Variants in ANKS1A observed in about 807,000 individuals in gnomAD.
ANKS1A encodes ankyrin repeat and sterile alpha motif domain containing 1A.
Under a neutral mutation model 120.3 loss-of-function variants are expected in ANKS1A, and 55 were observed. The ratio of observed to expected loss-of-function variants is 0.46; its 90% CI spans 0.37 to 0.57. The LOEUF is 0.57. ANKS1A is among the 20% of genes least tolerant of loss of function. The probability of loss-of-function intolerance (pLI) is 0.00; values close to 1 mark genes in which losing one functional copy is unlikely to be tolerated. For missense variants in ANKS1A, 1,123 were observed against 1,480.3 expected, an observed-to-expected ratio of 0.76 and a Z score of 3.96; for synonymous variants, 590 against 604.7, an observed-to-expected ratio of 0.98 and a Z score of 0.36.
chr6:35,072,042 A>T (rs1299463135), intron 13 of ANKS1A, among the ~76,000 whole-genome samples: 1 of 152,260 alleles, frequency 6.6e-6, no homozygotes, highest in Non-Finnish European at 1.5e-5. Context: ...GGCCTTTGCC[A>T]CTTTGTTGAA....
At chr6:35,042,446 C>T (rs2127578336) in intron 11 of ANKS1A, among the ~76,000 whole-genome samples, 1 of 152,296 alleles carries the variant, frequency 6.6e-6, no homozygotes, top group East Asian at 1.9e-4. Context: ...AGCTCTTTGT[C>T]TGTTTTTCCA....
Position 35,060,377 on chromosome 6 carries a change from A to C in ANKS1A, c.2184+124A>C. On this transcript the variant is annotated intron_variant, in intron 13 of 23. Coordinates refer to ENST00000360359, the MANE Select transcript of ANKS1A (RefSeq NM_015245.3). This position sits in a 1 kb window ranked among gnomAD's most constrained non-coding sequence, Gnocchi z 4.5. ...TAGACCCAAATCCCAGGGAAAGCTC[A>C]CTGAGGTCACTCAGACACCAGGAAG... is the stretch of plus-strand genomic sequence containing the variant. The C allele has an allele frequency of 1.0e-4, 81 of 781,996 alleles. No homozygotes were observed. Among genetic ancestry groups the C allele is most frequent in the Non-Finnish European group, 1.5e-4 (74 of 484,748 alleles). 48.4% of individuals were successfully genotyped at this position (781,996 alleles called of 1,614,324 possible). A position where few individuals can be genotyped will look rare whatever the true frequency, so the allele number is the denominator to read the frequency against.
At chr6:34,969,446 G>A (rs1449368387) in intron 2 of ANKS1A, among the ~76,000 whole-genome samples, 1 of 152,092 alleles carries the variant, frequency 6.6e-6, no homozygotes, top group Non-Finnish European at 1.5e-5. Flanking sequence ...GCAGAGACGG[G>A]CTTTCGCCAT....
intron 11 of ANKS1A, among the ~76,000 whole-genome samples, chr6:35,022,633 C>T (rs569645700): frequency 6.6e-6 from 1 of 152,304 alleles, no homozygotes; most frequent in Admixed American, 6.5e-5. Flanking sequence ...AGTCAAAGCA[C>T]TCTTTGTTGT....
At chr6:35,063,031 G>A (rs897128554) in intron 13 of ANKS1A, among the ~76,000 whole-genome samples, 1 of 152,188 alleles carries the variant, frequency 6.6e-6, no homozygotes. Flanking sequence ...TTGTGATGTG[G>A]TGATTGAGCT....
intron 10 of ANKS1A, among the ~76,000 whole-genome samples, chr6:34,999,834 G>C (rs4432973): frequency 0.66 from 100,679 of 151,752 alleles, 35,745 homozygotes; most frequent in Non-Finnish European, 0.8. Context: ...CCAGCAGAGA[G>C]AAAGAGAGGA....
At position 35,086,093 on chromosome 6, in the gene ANKS1A, G is replaced by A. The variant is rs956635259; in HGVS notation, c.3303+157G>A. Among the ~76,000 whole-genome samples the A allele has an allele frequency of 5.9e-4, 90 of 152,174 alleles. No individual in the cohort carries two copies. Among genetic ancestry groups the A allele is most frequent in the African/African-American group, 1.9e-3 (77 of 41,516 alleles). ...TTGTCCCCCAACCCTGCCAGGTCTC[G>A]CCCCTGGAAAGGCAGCAGCTCCTCT... On this transcript the variant is annotated intron_variant, in intron 22 of 23. Transcript: ENST00000360359. The surrounding 1 kb of genome is among the most constrained non-coding windows in gnomAD (Gnocchi z 5.1).
At chr6:34,950,222 CTTTTT>C (rs747865614) in intron 1 of ANKS1A, among the ~76,000 whole-genome samples, 5 of 97,534 alleles carry the variant, frequency 5.1e-5, no homozygotes, top group East Asian at 3.4e-4. Context: ...TCTTTTCTCT[CTTTTT>C]TTTTTTTTTT....
chr6:34,932,838 C>T (rs529980469), intron 1 of ANKS1A, among the ~76,000 whole-genome samples: 1 of 152,114 alleles, frequency 6.6e-6, no homozygotes, highest in Admixed American at 6.5e-5. Context: ...TTGTGTAGAC[C>T]TATGCTTTCA....
At chr6:35,074,125 G>A (rs990235704) in intron 13 of ANKS1A, among the ~76,000 whole-genome samples, 28 of 152,252 alleles carry the variant, frequency 1.8e-4, no homozygotes, top group African/African-American at 6.8e-4. Flanking sequence ...GGCTTTCCTC[G>A]CTGTCAGCCT....
intron 8 of ANKS1A, among the ~76,000 whole-genome samples, chr6:34,988,191 CATTT>C (rs1772308507): frequency 6.6e-6 from 1 of 152,242 alleles, no homozygotes; most frequent in Non-Finnish European, 1.5e-5. Context: ...TAGCCACACT[CATTT>C]ATTTACATAT....
chr6:35,040,073 G>A (rs867009351), intron 11 of ANKS1A, among the ~76,000 whole-genome samples: 21 of 152,294 alleles, frequency 1.4e-4, no homozygotes, highest in South Asian at 6.2e-4. Flanking sequence ...TACCTTCATA[G>A]TGGGGGTGAG....
chr6:34,976,918 A>G (rs1027466930), intron 3 of ANKS1A, among the ~76,000 whole-genome samples: 4 of 152,202 alleles, frequency 2.6e-5, no homozygotes, highest in Admixed American at 1.3e-4. Flanking sequence ...ATCTCCTAAG[A>G]ACAAGGACAT....
chr6:34,975,525 T>C (rs1339505010), intron 3 of ANKS1A, among the ~76,000 whole-genome samples: 1 of 151,524 alleles, frequency 6.6e-6, no homozygotes, highest in African/African-American at 2.4e-5. Flanking sequence ...TTTGGGAGGC[T>C]GGGGCTGAAG....
rs571099636 is a variant in ANKS1A at position 34,989,101 on chromosome 6, T to C, written c.1210-123T>C. The C allele has an allele frequency of 5.0e-4, 368 of 743,260 alleles. 1 individual carries two copies. The highest frequency in any genetic ancestry group is 4.1e-3 in the Middle Eastern group (16 of 3,898). 46.0% of individuals were successfully genotyped at this position (743,260 alleles called of 1,614,324 possible). A position where few individuals can be genotyped will look rare whatever the true frequency, so the allele number is the denominator to read the frequency against. On this transcript the variant is annotated intron_variant, in intron 8 of 23. Coordinates refer to ENST00000360359, the MANE Select transcript of ANKS1A (RefSeq NM_015245.3). ...CTGTTCAGAGACGAAACCTTGACTT[T>C]AGTCTCTCAGGGGAGTTCCATACAT... is the stretch of plus-strand genomic sequence containing the variant.
At chr6:34,897,523 C>T (rs1767149570) in intron 1 of ANKS1A, among the ~76,000 whole-genome samples, 1 of 152,308 alleles carries the variant, frequency 6.6e-6, no homozygotes, top group Non-Finnish European at 1.5e-5. Flanking sequence ...AAATCAGGCT[C>T]TCCTGTGGGT....
chr6:35,073,425 C>T (rs1033104526), intron 13 of ANKS1A, among the ~76,000 whole-genome samples: 2 of 152,218 alleles, frequency 1.3e-5, no homozygotes, highest in Non-Finnish European at 2.9e-5. Context: ...CAGTCGGACA[C>T]CTGCCGGCGA....
At chr6:35,072,936 G>A (rs886925516) in intron 13 of ANKS1A, among the ~76,000 whole-genome samples, 13 of 152,206 alleles carry the variant, frequency 8.5e-5, no homozygotes, top group African/African-American at 2.4e-4. Context: ...AGGAAGAGCC[G>A]AGGAAGACGA....
At chr6:34,923,955 G>A (rs999201338) in intron 1 of ANKS1A, among the ~76,000 whole-genome samples, 2 of 152,160 alleles carry the variant, frequency 1.3e-5, no homozygotes, top group Non-Finnish European at 2.9e-5. Context: ...GTCTTACAGA[G>A]GCAGGGGCTC....
Sources: allele counts gnomAD v4.1 joint callset (sites outside exome capture counted in the v4.1 genomes callset), GRCh38; gene constraint gnomAD v4.1.1; non-coding constraint Gnocchi (gnomAD v3.1); transcripts MANE v1.5; gene names NCBI Gene and HGNC (gene_info 2026-07-23, HGNC 2026-07-21).